ITGA1: variants seen among roughly 807,000 people sequenced by gnomAD.
ITGA1 encodes the protein integrin subunit alpha 1, also known as integrin alpha-1.
In ITGA1, 85 loss-of-function variants were observed where a neutral mutation model predicts 145.9. The ratio of observed to expected loss-of-function variants is 0.58; its 90% CI spans 0.49 to 0.70. ITGA1 has a LOEUF of 0.70. Among genes scored for constraint, ITGA1 ranks in the 30% least tolerant of loss-of-function variants. The probability of loss-of-function intolerance (pLI) is 0.00; values close to 1 mark genes in which losing one functional copy is unlikely to be tolerated. For synonymous variants in ITGA1, 520 were observed against 495.3 expected (o/e 1.05, Z -0.66); for missense variants, 1,351 against 1,418.7 (o/e 0.95, Z 0.77).
rs553671999 is a variant in ITGA1, at chr5:52,822,480, C to T, written c.62-26885C>T. Among the ~76,000 whole-genome samples, 13 of 152,316 alleles carry T rather than the reference C, an allele frequency of 8.5e-5. No individual in the cohort carries two copies. In the East Asian group the frequency reaches 1.9e-3, roughly 23 times the overall value. ...GGGCAGAGCTAGACAATCTCAAACT[C>T]ATAGAGGCATCTGCATTGCTAGTTT... On this transcript the variant is annotated intron_variant, in intron 1 of 28. Coordinates refer to ENST00000282588, the MANE Select transcript of ITGA1 (RefSeq NM_181501.2).
intron 12 of ITGA1, among the ~76,000 whole-genome samples, 166 bp from the exon 13 acceptor site, chr5:52,908,732 T>G (rs1398526716): frequency 6.6e-6 from 1 of 152,218 alleles, no homozygotes; most frequent in Non-Finnish European, 1.5e-5. Context: ...TTTATCCTCA[T>G]GAAAGAGCCA....
At chr5:52,868,439 T>G (rs1749724178) in intron 6 of ITGA1, among the ~76,000 whole-genome samples, 1 of 152,228 alleles carries the variant, frequency 6.6e-6, no homozygotes, top group Non-Finnish European at 1.5e-5. Context: ...CTCAAGCTAT[T>G]CTTCTGCAAT....
chr5:52,862,345 C>G (rs1269844569), intron 3 of ITGA1, among the ~76,000 whole-genome samples: 1 of 152,016 alleles, frequency 6.6e-6, no homozygotes, highest in Non-Finnish European at 1.5e-5. Context: ...AATCTATAAT[C>G]ATTTTTCATA....
At position 52,954,011 on chromosome 5, in the gene ITGA1, A is replaced by G. The variant is rs1751266733; in HGVS notation, c.*1560A>G. 6.6e-6 allele frequency: 1 copy of G among 151,966 alleles called. No homozygotes were observed. The allele number at this position is 151,966 out of a possible 1,614,324, so 9.4% of individuals were successfully genotyped here. Reference sequence around the variant, plus strand: ...AGACTCAGAGTCAGCCTACCTCTTGACTCTCCACATCCGCATCTAAGATCC... The same window carrying G: ...AGACTCAGAGTCAGCCTACCTCTTGGCTCTCCACATCCGCATCTAAGATCC... On this transcript the variant is annotated 3_prime_UTR_variant, in exon 29 of 29. Coordinates refer to ENST00000282588, the MANE Select transcript of ITGA1 (RefSeq NM_181501.2).
At position 52,932,076 on chromosome 5, in the gene ITGA1, C is replaced by T; in HGVS notation, c.2801C>T (p.Ser934Phe). The change falls in exon 22 of 29, where the codon TCT becomes TTT. Residue 934 changes from serine to phenylalanine, a missense_variant. Coordinates refer to ENST00000282588, the MANE Select transcript of ITGA1 (RefSeq NM_181501.2). ...AGCGAAGAACCTCCTGAAACCCTTT[C>T]TGATAATGTAGTAAACATTTCTATC... ...SDSEEPPETLSDNVVNISIPV... is the reference protein window; with the variant it reads ...SDSEEPPETLFDNVVNISIPV... 6.2e-7 allele frequency: 1 copy of T among 1,610,440 alleles called. No individual in the cohort carries two copies. The highest frequency in any genetic ancestry group is 1.7e-4 in the Middle Eastern group (1 of 6,052).
At chr5:52,910,125 T>G in intron 13 of ITGA1, 37 bp from the exon 14 acceptor site, 1 of 1,578,366 alleles carries the variant, frequency 6.3e-7, no homozygotes, top group Non-Finnish European at 8.7e-7. Context: ...GTAGTAATGA[T>G]GGAAATACAT....
intron 28 of ITGA1, among the ~76,000 whole-genome samples, chr5:52,949,456 C>G (rs922116131): frequency 6.6e-6 from 1 of 152,102 alleles, no homozygotes; most frequent in African/African-American, 2.4e-5. Context: ...ATCTTTTCGA[C>G]CAAGTATTTT....
intron 1 of ITGA1, chr5:52,800,991 T>G (rs770530262): frequency 1.2e-6 from 2 of 1,614,068 alleles, no homozygotes; most frequent in African/African-American, 2.7e-5. Flanking sequence ...ACATACACTT[T>G]GATGTTGTAA....
At chr5:52,865,119 A>G in intron 5 of ITGA1, 37 bp downstream of exon 5, 1 of 1,442,118 alleles carries the variant, frequency 6.9e-7, no homozygotes, top group Non-Finnish European at 9.7e-7. Context: ...ATGTTTGAAA[A>G]GCCTATGCAA....
At chr5:52,899,250 C>T (rs1750278217) in intron 11 of ITGA1, among the ~76,000 whole-genome samples, 2 of 152,168 alleles carry the variant, frequency 1.3e-5, no homozygotes. Flanking sequence ...ATCTTTCTGT[C>T]CCGGAGACAA....
At chr5:52,900,504 G>A (rs2447868) in intron 11 of ITGA1, among the ~76,000 whole-genome samples, 8,730 of 152,152 alleles carry the variant, frequency 0.057, 317 homozygotes, top group East Asian at 0.18. Context: ...TGTTATTGGG[G>A]GAAATGCCAT....
Position 52,953,186 on chromosome 5 carries a change from T to TA in ITGA1, c.*738dup, listed in dbSNP as rs1243596684. 6.6e-6 allele frequency: 1 copy of TA among 152,198 alleles called. No homozygotes were observed. The highest frequency in any genetic ancestry group is 1.5e-5 in the Non-Finnish European group (1 of 68,034). 9.4% of individuals were successfully genotyped at this position (152,198 alleles called of 1,614,324 possible). On this transcript the variant is annotated 3_prime_UTR_variant, in exon 29 of 29. Transcript: ENST00000282588. ...CATGCTTAATTTTGATATTGAGCTCTAAATGCAAAACTCTTTTATACTGAA... is the reference window on the plus strand; with the variant it reads ...CATGCTTAATTTTGATATTGAGCTCTAAAATGCAAAACTCTTTTATACTGAA...
chr5:52,801,312 G>T, intron 1 of ITGA1: 1 of 1,169,028 alleles, frequency 8.6e-7, no homozygotes, highest in South Asian at 1.5e-5. Context: ...TGAAACATAT[G>T]AAGCCTTACT....
intron 1 of ITGA1, among the ~76,000 whole-genome samples, chr5:52,842,367 T>C (rs962437180): frequency 1.8e-4 from 28 of 152,196 alleles, no homozygotes; most frequent in African/African-American, 6.3e-4. Context: ...GGAGATTTGC[T>C]ATGAAAATAA....
chr5:52,849,568 A>C (rs1286196351), intron 2 of ITGA1, 83 bp downstream of exon 2: 2 of 1,200,318 alleles, frequency 1.7e-6, no homozygotes, highest in East Asian at 4.9e-5. Context: ...TTCTTTTATG[A>C]ATGAAACTTT....
chr5:52,852,184 T>G (rs1357042354), intron 2 of ITGA1, among the ~76,000 whole-genome samples: 1 of 152,136 alleles, frequency 6.6e-6, no homozygotes, highest in African/African-American at 2.4e-5. Context: ...TAAACAGGTC[T>G]CATATTGGGA....
At position 52,900,607 on chromosome 5, in the gene ITGA1, C is replaced by G. The variant is rs192304619; in HGVS notation, c.1309+2224C>G. Among the ~76,000 whole-genome samples the G allele has an allele frequency of 2.6e-3, 401 of 152,224 alleles. 1 individual carries two copies. The highest frequency in any genetic ancestry group is 8.6e-3 in the African/African-American group (359 of 41,544). The stretch of plus-strand genomic sequence containing the variant: ...ACCCATAAAAATAAAAATTATAAAG[C>G]TGCTGATTCTATGATACTAAAGACT... On this transcript the variant is annotated intron_variant, in intron 11 of 28. Transcript: ENST00000282588.
At chr5:52,940,250 A>G (rs1257880125) in intron 26 of ITGA1, among the ~76,000 whole-genome samples, 2 of 152,156 alleles carry the variant, frequency 1.3e-5, no homozygotes, top group African/African-American at 4.8e-5. Flanking sequence ...ACTTATCTTA[A>G]TACTTTGGAA....
At chr5:52,935,839 C>T (rs951746375) in intron 23 of ITGA1, among the ~76,000 whole-genome samples, 1 of 152,098 alleles carries the variant, frequency 6.6e-6, no homozygotes, top group South Asian at 2.1e-4. Flanking sequence ...GTAACCTACA[C>T]TAAAATGTTA....
Sources: allele counts gnomAD v4.1 joint callset (sites outside exome capture counted in the v4.1 genomes callset), GRCh38; gene constraint gnomAD v4.1.1; transcripts MANE v1.5; gene names NCBI Gene and HGNC (gene_info 2026-07-23, HGNC 2026-07-21).